ITPR2: variants seen among roughly 807,000 people sequenced by gnomAD.
The protein encoded by ITPR2 is inositol 1,4,5-trisphosphate receptor type 2.
Under a neutral mutation model 317.1 loss-of-function variants are expected in ITPR2, and 207 were observed. The observed-to-expected ratio is 0.65, with a 90% confidence interval of 0.58 to 0.73. ITPR2 has a LOEUF of 0.73. Ranked by LOEUF, ITPR2 falls within the 30% of genes least tolerant of loss-of-function variation. The pLI is 0.00. For missense variants in ITPR2, 2,613 were observed against 3,284.0 expected (o/e 0.80, Z 4.99); for synonymous variants, 1,156 against 1,149.1 (o/e 1.01, Z -0.12).
intron 9 of ITPR2, among the ~76,000 whole-genome samples, chr12:26,707,076 T>G (rs1158824205): frequency 2.0e-5 from 3 of 152,190 alleles, no homozygotes; most frequent in Non-Finnish European, 4.4e-5. Context: ...CAATTCTACC[T>G]GCACATATAA....
In ITPR2 at chr12:26,719,656, G is replaced by T. The variant is rs547838598; in HGVS notation, c.525+2741C>A. Among the ~76,000 whole-genome samples, 13 of 152,246 alleles carry T rather than the reference G, an allele frequency of 8.5e-5. No homozygotes were observed. In the South Asian group the frequency reaches 2.7e-3, roughly 32 times the overall value. On this transcript the variant is annotated intron_variant, in intron 5 of 56. Coordinates refer to ENST00000381340, the MANE Select transcript of ITPR2 (RefSeq NM_002223.4). The stretch of plus-strand genomic sequence containing the variant: ...TTAGGGTACATGTGCACAACGTGCA[G>T]GTTTGTTACATATGTATACATGTGT...
intron 30 of ITPR2, among the ~76,000 whole-genome samples, chr12:26,598,386 A>G (rs988325870): frequency 6.6e-6 from 1 of 152,202 alleles, no homozygotes; most frequent in Non-Finnish European, 1.5e-5. Flanking sequence ...CCAGAAACCA[A>G]TAAAAATCTA....
chr12:26,778,368 A>G (rs1950016036), intron 2 of ITPR2, among the ~76,000 whole-genome samples: 2 of 152,252 alleles, frequency 1.3e-5, no homozygotes, highest in Non-Finnish European at 2.9e-5. Flanking sequence ...TGTGCAGAAG[A>G]CAGATGGATC....
chr12:26,375,151 T>C (rs1428102071), intron 55 of ITPR2, among the ~76,000 whole-genome samples: 1 of 152,230 alleles, frequency 6.6e-6, no homozygotes, highest in Non-Finnish European at 1.5e-5. Flanking sequence ...GTATCAGTCC[T>C]AACAATGTGG....
At position 26,715,420 on chromosome 12, in the gene ITPR2, G is replaced by C; in HGVS notation, c.734C>G (p.Ala245Gly). The C allele has an allele frequency of 6.2e-7, 1 of 1,612,902 alleles. No homozygotes were observed. Among genetic ancestry groups the C allele is most frequent in the Non-Finnish European group, 8.5e-7 (1 of 1,179,342 alleles). Residue 245 changes from alanine (A) to glycine (G), a missense_variant, in exon 8 of 57, where the codon GCG (alanine) becomes GGG (glycine). Ala to Gly is a moderately conservative substitution (Grantham distance 60). Around this residue, in one of 9 missense-constraint regions of ITPR2, gnomAD observed 515 missense variants for 789.4 expected, o/e 0.65. Coordinates refer to ENST00000381340, the MANE Select transcript of ITPR2 (RefSeq NM_002223.4). ...KGGDVVRLFH[A>G]EQEKFLTCDE... Reference sequence around the variant, plus strand: ...ACAAGTCAAAAACTTCTCTTGTTCCGCATGAAATAATCTAACAACGTCCCC... The same window carrying C: ...ACAAGTCAAAAACTTCTCTTGTTCCCCATGAAATAATCTAACAACGTCCCC...
intron 2 of ITPR2, among the ~76,000 whole-genome samples, chr12:26,782,118 T>A (rs1950107942): frequency 6.9e-6 from 1 of 145,928 alleles, no homozygotes; most frequent in South Asian, 2.2e-4. Flanking sequence ...GTATATAACA[T>A]AAACTCTCCT....
chr12:26,425,057 A>G lies in ITPR2; in HGVS notation c.6945+2856T>C, dbSNP rs1475888086. On this transcript the variant is annotated intron_variant, in intron 49 of 56. Coordinates refer to ENST00000381340, the MANE Select transcript of ITPR2 (RefSeq NM_002223.4). ...ATTACAGGCATCAGTCACTGCACCC[A>G]GCAGTGAACTTGTTATGTTAAAAAT... Among the ~76,000 whole-genome samples the G allele has an allele frequency of 1.3e-4, 19 of 151,868 alleles. 1 individual carries two copies. Among genetic ancestry groups the G allele is most frequent in the Admixed American group, 1.2e-3 (19 of 15,246 alleles).
chr12:26,723,165 GA>G (rs1358766627), intron 4 of ITPR2, among the ~76,000 whole-genome samples: 3 of 151,950 alleles, frequency 2.0e-5, no homozygotes, highest in Non-Finnish European at 4.4e-5. Context: ...TGATTCTACT[GA>G]GTAGCAAAAC....
intron 9 of ITPR2, among the ~76,000 whole-genome samples, chr12:26,706,024 G>A (rs1302077648): frequency 6.6e-6 from 1 of 152,192 alleles, no homozygotes; most frequent in Non-Finnish European, 1.5e-5. Context: ...GTAGAAAGCA[G>A]ATCATTCAGA....
rs1181346817 is a variant in ITPR2, at chr12:26,338,248, C to A, written c.*1149G>T. Reference sequence around the variant, plus strand: ...AGGTTATTCTCTCCCTCGACAAATTCTGAGTGCATGATTTAATACAAAAAC... The same window carrying A: ...AGGTTATTCTCTCCCTCGACAAATTATGAGTGCATGATTTAATACAAAAAC... On this transcript the variant is annotated 3_prime_UTR_variant, in exon 57 of 57. Transcript: ENST00000381340. 3 of 152,746 alleles carry A rather than the reference C, an allele frequency of 2.0e-5. No homozygotes were observed. Among genetic ancestry groups the A allele is most frequent in the East Asian group, 1.9e-4 (1 of 5,186 alleles). The allele number at this position is 152,746 out of a possible 1,614,324, so 9.5% of individuals were successfully genotyped here. A position where few individuals can be genotyped will look rare whatever the true frequency, so the allele number is the denominator to read the frequency against.
intron 37 of ITPR2, among the ~76,000 whole-genome samples, chr12:26,498,290 C>T (rs1335308927): frequency 6.6e-6 from 1 of 152,196 alleles, no homozygotes; most frequent in East Asian, 1.9e-4. Flanking sequence ...TTCCTGATAA[C>T]ACTTAAGTGC....
At chr12:26,469,668 C>T (rs1565544404) in intron 45 of ITPR2, among the ~76,000 whole-genome samples, 1 of 152,010 alleles carries the variant, frequency 6.6e-6, no homozygotes, top group African/African-American at 2.4e-5. Flanking sequence ...TGATCTGTTG[C>T]GGATCTTCTT....
At chr12:26,613,621 C>A (rs766400947) in intron 26 of ITPR2, among the ~76,000 whole-genome samples, 1 of 151,840 alleles carries the variant, frequency 6.6e-6, no homozygotes, top group Non-Finnish European at 1.5e-5. Flanking sequence ...AGATCCCATG[C>A]AAGATGGAAG....
At chr12:26,490,007 A>G (rs1253730392) in intron 39 of ITPR2, among the ~76,000 whole-genome samples, 1 of 152,234 alleles carries the variant, frequency 6.6e-6, no homozygotes, top group Non-Finnish European at 1.5e-5. Flanking sequence ...CATCTGGGTT[A>G]TACAATGTGA....
intron 37 of ITPR2, among the ~76,000 whole-genome samples, chr12:26,499,290 C>T (rs985337505): frequency 9.9e-5 from 15 of 152,182 alleles, no homozygotes; most frequent in African/African-American, 2.4e-4. Context: ...TAACACTCTT[C>T]TTATTCAATT....
intron 2 of ITPR2, among the ~76,000 whole-genome samples, chr12:26,728,411 C>G (rs1016233576): frequency 6.6e-6 from 1 of 152,188 alleles, no homozygotes; most frequent in Admixed American, 6.5e-5. Flanking sequence ...CTTTCCATTT[C>G]AGGGCCTTAG....
intron 9 of ITPR2, among the ~76,000 whole-genome samples, chr12:26,700,560 A>G (rs555444796): frequency 1.2e-4 from 18 of 152,270 alleles, no homozygotes; most frequent in African/African-American, 3.8e-4. Context: ...CACAGGTCTG[A>G]GGGCTCCAGA....
At chr12:26,485,902 T>C (rs1942654023) in intron 41 of ITPR2, among the ~76,000 whole-genome samples, 1 of 151,406 alleles carries the variant, frequency 6.6e-6, no homozygotes, top group African/African-American at 2.4e-5. Flanking sequence ...ATGAGCCTGA[T>C]TTTTTTTTCT....
chr12:26,654,052 T>C lies in ITPR2; in HGVS notation c.2664A>G (p.Thr888=), dbSNP rs1228020927. 6.3e-7 allele frequency: 1 copy of C among 1,596,632 alleles called. No individual in the cohort carries two copies. Among genetic ancestry groups the C allele is most frequent in the Non-Finnish European group, 8.5e-7 (1 of 1,173,152 alleles). The stretch of plus-strand genomic sequence containing the variant: ...GTACAATGTCTAAAATAGCCAGAAG[T>C]GTTCTTGTTAGCCTTAATAACTCAC... ...SFSELLRLTR[T]LLAILDIVQA... is the part of the protein sequence containing the mutation. Residue 888 remains threonine (T), a synonymous_variant, in exon 21 of 57, where the codon ACA becomes ACG. Transcript: ENST00000381340.
Sources: gnomAD v4.1 joint callset for allele counts (sites outside exome capture counted in the v4.1 genomes callset) on GRCh38, gnomAD v4.1.1 for gene constraint, gnomAD v4.1.1 regional missense constraint, MANE v1.5 for transcripts, NCBI Gene and HGNC (gene_info 2026-07-23, HGNC 2026-07-21) for gene names.